RIMBP2: variants seen among roughly 807,000 people sequenced by gnomAD.
The protein encoded by RIMBP2 is RIMS-binding protein 2.
Under a neutral mutation model 118.6 loss-of-function variants are expected in RIMBP2, and 48 were observed. The observed-to-expected ratio is 0.40, with a 90% CI of 0.32 to 0.51. The LOEUF (loss-of-function observed/expected upper bound fraction) is 0.51, where lower values mean the gene tolerates loss of function less well. Among genes scored for constraint, RIMBP2 ranks in the 20% least tolerant of loss-of-function variants. The pLI, the probability that RIMBP2 is intolerant of heterozygous loss-of-function variation, is 0.41. For missense variants in RIMBP2, 1,551 were observed against 1,768.3 expected, an observed-to-expected ratio of 0.88 and a Z score of 2.20; for synonymous variants, 762 against 742.9, an observed-to-expected ratio of 1.03 and a Z score of -0.42.
Position 130,519,746 on chromosome 12 carries a change from G to A in RIMBP2, c.-216-1829C>T, listed in dbSNP as rs145482082. On this transcript the variant is annotated intron_variant, in intron 2 of 22. Transcript: ENST00000690449. ...GAGAACAAGAGACATTTGAAATAGGGGTTAGATTATGGGTTCTGAGGTCAA... is the reference window on the plus strand; with the variant it reads ...GAGAACAAGAGACATTTGAAATAGGAGTTAGATTATGGGTTCTGAGGTCAA... Among the ~76,000 whole-genome samples, 1,133 of 152,232 alleles carry A rather than the reference G, an allele frequency of 7.4e-3. 12 individuals are homozygous for A. The highest frequency in any genetic ancestry group is 0.026 in the African/African-American group (1,083 of 41,530).
At chr12:130,579,209 C>T (rs902351550) in intron 2 of RIMBP2, among the ~76,000 whole-genome samples, 4 of 152,164 alleles carry the variant, frequency 2.6e-5, no homozygotes, top group Non-Finnish European at 2.9e-5. Context: ...ATCAGGAGGG[C>T]TTATCCCATT....
At chr12:130,557,263 C>A (rs1275315190) in intron 2 of RIMBP2, among the ~76,000 whole-genome samples, 1 of 151,984 alleles carries the variant, frequency 6.6e-6, no homozygotes, top group Non-Finnish European at 1.5e-5. Context: ...TGCAGTGGAG[C>A]CCCCCACAGC....
chr12:130,646,696 C>T (rs1307585599), intron 1 of RIMBP2, among the ~76,000 whole-genome samples: 20 of 152,228 alleles, frequency 1.3e-4, no homozygotes, highest in South Asian at 4.1e-4. Context: ...TAAAATTGTA[C>T]AAAGCTAGAG....
Position 130,442,547 on chromosome 12 carries a change from T to G in RIMBP2, c.805A>C (p.Ile269Leu), listed in dbSNP as rs767562999. 1 of 1,613,972 alleles carries G rather than the reference T, an allele frequency of 6.2e-7. No homozygotes were observed. Among genetic ancestry groups the G allele is most frequent in the Non-Finnish European group, 8.5e-7 (1 of 1,180,012 alleles). ...TCCAGGCCGATGCCGGAATGGTTGA[T>G]GAAGTTCTGATCCTGCTCGTTCCCC... ...TLGNEQDQNF[I>L]NHSGIGLEGE... Residue 269 changes from isoleucine to leucine, a missense_variant, in exon 11 of 23, where the codon ATC becomes CTC. By Grantham distance (5) the Ile-to-Leu change is conservative (BLOSUM62 2). Coordinates refer to ENST00000690449, the MANE Select transcript of RIMBP2 (RefSeq NM_001393629.1). This position sits in a 1 kb window ranked among gnomAD's most constrained non-coding sequence, Gnocchi z 6.9.
chr12:130,606,053 G>A (rs536261309), intron 2 of RIMBP2, among the ~76,000 whole-genome samples: 1 of 151,756 alleles, frequency 6.6e-6, no homozygotes, highest in African/African-American at 2.4e-5. Context: ...GGGAGATAGA[G>A]CGAGACTGTC....
At chr12:130,582,509 C>T (rs1001170625) in intron 2 of RIMBP2, among the ~76,000 whole-genome samples, 3 of 152,202 alleles carry the variant, frequency 2.0e-5, no homozygotes, top group East Asian at 3.9e-4. Context: ...AGAGGGATGA[C>T]GCATGGCACC....
At position 130,646,441 on chromosome 12, in the gene RIMBP2, T is replaced by TCCCTCACCACCTCCCTCACCACCTCCCTC; in HGVS notation, c.-351-17986_-351-17985insGAGGGAGGTGGTGAGGGAGGTGGTGAGGG. ...TCACCACTTCCCTCTCCACCTCCCT[T>TCCCTCACCACCTCCCTCACCACCTCCCTC]GCCACCTCCCTCGCCACCTCCCTCG... On this transcript the variant is annotated intron_variant, in intron 1 of 22. Transcript: ENST00000690449. Among the ~76,000 whole-genome samples the TCCCTCACCACCTCCCTCACCACCTCCCTC allele has an allele frequency of 1.2e-3, 4 of 3,400 alleles. 2 individuals are homozygous for TCCCTCACCACCTCCCTCACCACCTCCCTC. The highest frequency in any genetic ancestry group is 0.022 in the East Asian group (2 of 92). The allele number at this position is 3,400 out of a possible 152,430, so 2.2% of individuals were successfully genotyped here.
At chr12:130,689,517 G>C (rs1219449671) in intron 1 of RIMBP2, among the ~76,000 whole-genome samples, 2 of 152,164 alleles carry the variant, frequency 1.3e-5, no homozygotes, top group East Asian at 1.9e-4. Flanking sequence ...GCAGGCCCGA[G>C]AAAAAGGATG....
rs2062923895 is a variant in RIMBP2 at position 130,646,212 on chromosome 12, TCTC to T, written c.-351-17759_-351-17757del. Among the ~76,000 whole-genome samples, 3 of 77,368 alleles carry T rather than the reference TCTC, an allele frequency of 3.9e-5. 1 individual carries two copies. 50.8% of individuals were successfully genotyped at this position (77,368 alleles called of 152,430 possible). On this transcript the variant is annotated intron_variant, in intron 1 of 22. Coordinates refer to ENST00000690449, the MANE Select transcript of RIMBP2 (RefSeq NM_001393629.1). ...CTCACCACTTCCCTCTCCACCTCCCTCTCCACCTCCCTCACCACCTGCCTCTCC... is the reference window on the plus strand; with the variant it reads ...CTCACCACTTCCCTCTCCACCTCCCTCACCTCCCTCACCACCTGCCTCTCC...
chr12:130,532,333 G>C (rs1243440871), intron 2 of RIMBP2, among the ~76,000 whole-genome samples: 3 of 132,918 alleles, frequency 2.3e-5, no homozygotes, highest in Admixed American at 7.6e-5. Flanking sequence ...TAGGAGGTAC[G>C]TCTAATGAGA....
At chr12:130,613,986 G>C (rs891510253) in intron 2 of RIMBP2, among the ~76,000 whole-genome samples, 73 of 152,154 alleles carry the variant, frequency 4.8e-4, no homozygotes, top group African/African-American at 1.8e-3. Flanking sequence ...ATGCCACCCT[G>C]CAATGGTGGC....
intron 2 of RIMBP2, among the ~76,000 whole-genome samples, chr12:130,600,319 G>C (rs550825400): frequency 6.6e-6 from 1 of 152,204 alleles, no homozygotes; most frequent in East Asian, 1.9e-4. Flanking sequence ...CACAAATGAC[G>C]TCTCCGACCA....
intron 1 of RIMBP2, among the ~76,000 whole-genome samples, chr12:130,646,826 C>T (rs1223748423): frequency 1.3e-5 from 2 of 152,246 alleles, no homozygotes; most frequent in South Asian, 2.1e-4. Flanking sequence ...GGCTGAGAAC[C>T]CAGCAGTTCA....
Position 130,623,297 on chromosome 12 carries a change from G to T in RIMBP2, c.-217+5025C>A, listed in dbSNP as rs1376001142. On this transcript the variant is annotated intron_variant, in intron 2 of 22. Transcript: ENST00000690449. The surrounding 1 kb of genome is among the most constrained non-coding windows in gnomAD (Gnocchi z 4.1). ...TTGGCTACATGTGCAGAACATGCAG[G>T]TTTGTTACACAGGTATACATGTGCC... Among the ~76,000 whole-genome samples, 1 of 152,150 alleles carries T rather than the reference G, an allele frequency of 6.6e-6. No individual in the cohort carries two copies.
intron 1 of RIMBP2, among the ~76,000 whole-genome samples, chr12:130,673,620 GC>G (rs1263934701): frequency 1.3e-5 from 2 of 152,188 alleles, no homozygotes; most frequent in African/African-American, 4.8e-5. Context: ...AAAGGCCATT[GC>G]AGTAGAACTG....
intron 2 of RIMBP2, among the ~76,000 whole-genome samples, chr12:130,556,110 C>T (rs1355034856): frequency 1.3e-5 from 2 of 152,168 alleles, no homozygotes; most frequent in South Asian, 4.1e-4. Context: ...GCTTGCTGCA[C>T]TTGTGTTCCT....
chr12:130,670,247 C>T lies in RIMBP2; in HGVS notation c.-351-41791G>A, dbSNP rs2064138075. On this transcript the variant is annotated intron_variant, in intron 1 of 22. Transcript: ENST00000690449. The surrounding 1 kb of genome is among the most constrained non-coding windows in gnomAD (Gnocchi z 4.9). ...CCCGCCGACACCATGATCCCGGCCC[C>T]AGGACCTCAGACTTCCGATCTCCAG... 6.6e-6 allele frequency among the ~76,000 whole-genome samples: 1 copy of T among 152,276 alleles called. No individual in the cohort carries two copies. The highest frequency in any genetic ancestry group is 2.4e-5 in the African/African-American group (1 of 41,558).
At position 130,438,434 on chromosome 12, in the gene RIMBP2, C is replaced by T; in HGVS notation, c.1587G>A (p.Val529=). 6 of 1,613,302 alleles carry T rather than the reference C, an allele frequency of 3.7e-6. No individual in the cohort carries two copies. Among genetic ancestry groups the T allele is most frequent in the Non-Finnish European group, 4.2e-6 (5 of 1,179,800 alleles). Residue 529 remains valine (V), a synonymous_variant, in exon 12 of 23, where the codon GTG becomes GTA. Transcript: ENST00000690449. Reference sequence around the variant, plus strand: ...CATTGGACAGCCCGGTGGGCGTCAGCACAGGTGGTCTCCAGGAGACCCGGA... The same window carrying T: ...CATTGGACAGCCCGGTGGGCGTCAGTACAGGTGGTCTCCAGGAGACCCGGA... The part of the protein sequence containing the change: ...ATIRVSWRPP[V]LTPTGLSNGA...
intron 4 of RIMBP2, among the ~76,000 whole-genome samples, chr12:130,501,239 C>T (rs2049744118): frequency 6.6e-6 from 1 of 152,212 alleles, no homozygotes; most frequent in African/African-American, 2.4e-5. Flanking sequence ...AAGCCCCCAT[C>T]ATCTCGCATC....
Sources: allele counts gnomAD v4.1 joint callset (sites outside exome capture counted in the v4.1 genomes callset), GRCh38; gene constraint gnomAD v4.1.1; non-coding constraint Gnocchi (gnomAD v3.1); transcripts MANE v1.5; gene names NCBI Gene and HGNC (gene_info 2026-07-23, HGNC 2026-07-21).